ZSWIM2: variants seen among roughly 807,000 people sequenced by gnomAD.
ZSWIM2 encodes the protein zinc finger SWIM-type containing 2.
A neutral mutation model predicts 48.4 loss-of-function variants in ZSWIM2; 38 were observed. The ratio of observed to expected loss-of-function variants is 0.79; its 90% CI spans 0.61 to 1.03. ZSWIM2 has a LOEUF of 1.03. Among genes scored for constraint, ZSWIM2 ranks in the 50% least tolerant of loss-of-function variants. The pLI, the probability that ZSWIM2 is intolerant of heterozygous loss-of-function variation, is 0.00. For missense variants in ZSWIM2, 776 were observed against 730.2 expected, an observed-to-expected ratio of 1.06 and a Z score of -0.72; for synonymous variants, 240 against 251.3, an observed-to-expected ratio of 0.96 and a Z score of 0.42.
At chr2:186,846,016 T>G (rs1001552861) in intron 2 of ZSWIM2, among the ~76,000 whole-genome samples, 2 of 151,842 alleles carry the variant, frequency 1.3e-5, no homozygotes, top group African/African-American at 4.8e-5. Context: ...ATGTGAGACC[T>G]TAAACTACAA....
rs765771684 is a variant in ZSWIM2 at position 186,829,873 on chromosome 2, A to T, written c.949T>A (p.Tyr317Asn). The T allele has an allele frequency of 6.2e-7, 1 of 1,613,416 alleles. No homozygotes were observed. Among genetic ancestry groups the T allele is most frequent in the African/African-American group, 1.3e-5 (1 of 74,866 alleles). Residue 317 changes from tyrosine (Y) to asparagine (N), a missense_variant, in exon 8 of 9, where the codon TAC (tyrosine) becomes AAC (asparagine). Tyr to Asn is a moderately radical substitution (Grantham distance 143). Transcript: ENST00000295131. ...SHFQEKQGQVYTPKHIVRSLP... is the reference protein window; with the variant it reads ...SHFQEKQGQVNTPKHIVRSLP... Reference sequence around the variant, plus strand: ...GATCTTACAATGTGTTTTGGTGTGTAAACTTGGCTGAATGAGAATAAGCAG... The same window carrying T: ...GATCTTACAATGTGTTTTGGTGTGTTAACTTGGCTGAATGAGAATAAGCAG...
intron 5 of ZSWIM2, among the ~76,000 whole-genome samples, chr2:186,836,609 CA>C (rs945049084): frequency 2.0e-5 from 3 of 151,730 alleles, no homozygotes; most frequent in Admixed American, 6.6e-5. Flanking sequence ...TGATACATTT[CA>C]AAAAAATGTG....
At position 186,837,445 on chromosome 2, in the gene ZSWIM2, CA is replaced by C; in HGVS notation, c.603del (p.Phe201LeufsTer4). On this transcript the variant is annotated frameshift_variant, in exon 5 of 9. Transcript: ENST00000295131. LOFTEE classifies it high-confidence loss of function. ...MLKCPLCRKE[F>X]APLKLILEEF... Reference sequence around the variant, plus strand: ...TCCTCCAAAATCAGTTTTAATGGTGCAAACTCTTTCCTGCACAGAGGACATT... The same window carrying C: ...TCCTCCAAAATCAGTTTTAATGGTGCAACTCTTTCCTGCACAGAGGACATT... The C allele has an allele frequency of 1.2e-6, 2 of 1,612,586 alleles. No homozygotes were observed. The highest frequency in any genetic ancestry group is 2.2e-5 in the South Asian group (2 of 91,052).
chr2:186,844,527 T>A (rs899290773), intron 3 of ZSWIM2, among the ~76,000 whole-genome samples, 190 bp downstream of exon 3: 1 of 151,542 alleles, frequency 6.6e-6, no homozygotes, highest in African/African-American at 2.4e-5. Context: ...CATATAAAGT[T>A]ACATTTTTTT....
At chr2:186,829,610 T>C in intron 8 of ZSWIM2, 117 bp downstream of exon 8, 2 of 976,882 alleles carry the variant, frequency 2.0e-6, no homozygotes, top group South Asian at 1.8e-5. Context: ...TGCTGTGCAA[T>C]GTGAACACCT....
At chr2:186,835,996 G>A (rs1203076443) in intron 5 of ZSWIM2, among the ~76,000 whole-genome samples, 1 of 152,088 alleles carries the variant, frequency 6.6e-6, no homozygotes, top group Non-Finnish European at 1.5e-5. Context: ...AGGACAGAAA[G>A]AGCAGTCAGA....
chr2:186,848,252 A>G (rs1692041281), intron 1 of ZSWIM2, among the ~76,000 whole-genome samples: 1 of 152,162 alleles, frequency 6.6e-6, no homozygotes, highest in South Asian at 2.1e-4. Flanking sequence ...ACTATTAAAT[A>G]CAGTAAGTAT....
At chr2:186,841,358 G>T (rs368044249) in intron 3 of ZSWIM2, among the ~76,000 whole-genome samples, 1 of 94,860 alleles carries the variant, frequency 1.1e-5, no homozygotes, top group Non-Finnish European at 2.3e-5. Context: ...TAATATCTTT[G>T]TATGCTTAAG....
At position 186,834,085 on chromosome 2, in the gene ZSWIM2, G is replaced by A. The variant is rs1438672821; in HGVS notation, c.744-55C>T. 29 of 1,402,572 alleles carry A rather than the reference G, an allele frequency of 2.1e-5. No individual in the cohort carries two copies. In the East Asian group the frequency reaches 5.9e-4, roughly 28 times the overall value. The allele number at this position is 1,402,572 out of a possible 1,614,324, so 86.9% of individuals were successfully genotyped here. ...GAAAAAAAAATCCAATTATTGTGATGGTTTTGGGTGAAAAATTCTGACCAA... is the reference window on the plus strand; with the variant it reads ...GAAAAAAAAATCCAATTATTGTGATAGTTTTGGGTGAAAAATTCTGACCAA... On this transcript the variant is annotated intron_variant, in intron 5 of 8. Transcript: ENST00000295131.
chr2:186,829,400 A>G (rs1335188990), intron 8 of ZSWIM2, among the ~76,000 whole-genome samples: 1 of 152,220 alleles, frequency 6.6e-6, no homozygotes, highest in East Asian at 1.9e-4. Flanking sequence ...TAAGAATCAT[A>G]AAAATACATA....
chr2:186,843,172 C>A (rs1410922245), intron 3 of ZSWIM2, among the ~76,000 whole-genome samples: 1 of 151,448 alleles, frequency 6.6e-6, no homozygotes, highest in African/African-American at 2.4e-5. Context: ...CATTGGACAG[C>A]CTCAGTATTG....
intron 1 of ZSWIM2, chr2:186,848,636 C>A: frequency 4.6e-6 from 1 of 217,260 alleles, no homozygotes; most frequent in Admixed American, 5.0e-5. Context: ...GACTAAGGAC[C>A]ACTAACAACA....
rs13427534 is a variant in ZSWIM2, at chr2:186,848,908, G to C, written c.165+58C>G. On this transcript the variant is annotated intron_variant, in intron 1 of 8. Transcript: ENST00000295131. Reference sequence around the variant, plus strand: ...GGCTACGCACATTGGGTATGCCAGTGGGGGAACCTGGTGGGCGGGGATGAT... The same window carrying C: ...GGCTACGCACATTGGGTATGCCAGTCGGGGAACCTGGTGGGCGGGGATGAT... 4.6e-5 allele frequency: 73 copies of C among 1,603,010 alleles called. No individual in the cohort carries two copies. In the African/African-American group the frequency reaches 9.8e-4, roughly 21 times the overall value.
At position 186,828,369 on chromosome 2, in the gene ZSWIM2, C is replaced by T. The variant is rs769137360; in HGVS notation, c.1517G>A (p.Gly506Glu). The T allele has an allele frequency of 1.9e-6, 3 of 1,613,584 alleles. No homozygotes were observed. In the South Asian group the frequency reaches 3.3e-5, roughly 18 times the overall value. ...AAGCAGTGTTTGAGATGGTATTTTC[C>T]CAAATGACACAGTGGGTAAATCTTG... is the stretch of plus-strand genomic sequence containing the variant. The part of the protein sequence containing the change: ...YLQDLPTVSF[G>E]KIPSQTLLPP... The change falls in exon 9 of 9, where the codon GGG (glycine) becomes GAG (glutamate). Residue 506 changes from glycine (G) to glutamate (E), a missense_variant. By Grantham distance (98) the Gly-to-Glu change is moderately conservative. Transcript: ENST00000295131.
intron 3 of ZSWIM2, among the ~76,000 whole-genome samples, chr2:186,842,384 T>A (rs1691920796): frequency 6.6e-6 from 1 of 151,320 alleles, no homozygotes; most frequent in African/African-American, 2.4e-5. Context: ...TAATTAAAAT[T>A]TCTTTTAAAT....
chr2:186,839,241 GA>G, intron 3 of ZSWIM2, 72 bp from the exon 4 acceptor site: 1 of 1,351,490 alleles, frequency 7.4e-7, no homozygotes, highest in South Asian at 1.3e-5. Flanking sequence ...AACTTATGCT[GA>G]AAGTTAGAAT....
chr2:186,832,482 T>C (rs940010213), intron 7 of ZSWIM2, among the ~76,000 whole-genome samples: 2 of 152,126 alleles, frequency 1.3e-5, no homozygotes, highest in African/African-American at 4.8e-5. Flanking sequence ...CCACTAATAA[T>C]GTTCTTAATC....
chr2:186,827,755 TATTC>T lies in ZSWIM2; in HGVS notation c.*225_*228del. The T allele has an allele frequency of 3.5e-6, 1 of 284,744 alleles. No homozygotes were observed. The highest frequency in any genetic ancestry group is 2.2e-5 in the African/African-American group (1 of 45,884). 17.6% of individuals were successfully genotyped at this position (284,744 alleles called of 1,614,324 possible). On this transcript the variant is annotated 3_prime_UTR_variant, in exon 9 of 9. Coordinates refer to ENST00000295131, the MANE Select transcript of ZSWIM2 (RefSeq NM_182521.3). ...AAAATAAGATAAAGGCTCTAAAAAT[TATTC>T]ATTATTTATAACATCCTGAATATAT...
chr2:186,832,346 T>G (rs957567385), intron 7 of ZSWIM2, among the ~76,000 whole-genome samples: 1 of 152,080 alleles, frequency 6.6e-6, no homozygotes, highest in Non-Finnish European at 1.5e-5. Flanking sequence ...GGTCTCGAAC[T>G]TCTGACCTCA....
Sources: gnomAD v4.1 joint callset for allele counts (sites outside exome capture counted in the v4.1 genomes callset) on GRCh38, gnomAD v4.1.1 for gene constraint, MANE v1.5 for transcripts, NCBI Gene and HGNC (gene_info 2026-07-23, HGNC 2026-07-21) for gene names.